PTPRB: variants seen among roughly 807,000 people sequenced by gnomAD.
The protein encoded by PTPRB is protein tyrosine phosphatase receptor type B.
In PTPRB, 97 loss-of-function variants were observed where a neutral mutation model predicts 238.1. The observed-to-expected ratio is 0.41, with a 90% CI of 0.35 to 0.48. PTPRB has a LOEUF of 0.48. PTPRB is among the 20% of genes least tolerant of loss of function. The pLI, the probability that PTPRB is intolerant of heterozygous loss-of-function variation, is 0.30. For missense variants in PTPRB, 2,292 were observed against 2,681.9 expected (o/e 0.85, Z 3.21); for synonymous variants, 970 against 995.4 (o/e 0.97, Z 0.48).
intron 10 of PTPRB, among the ~76,000 whole-genome samples, chr12:70,577,804 T>C (rs1183944261): frequency 1.3e-5 from 2 of 152,222 alleles, no homozygotes; most frequent in African/African-American, 2.4e-5. Context: ...TCTGGTAATG[T>C]TGATCCACAT....
In PTPRB at chr12:70,520,592, T is replaced by C. The variant is rs1871554300; in HGVS notation, c.*897A>G. Reference sequence around the variant, plus strand: ...TTCTAGGAATGGAGACCACTGAAAATGAGACAGAAACTAGTGTGTATAAAT... The same window carrying C: ...TTCTAGGAATGGAGACCACTGAAAACGAGACAGAAACTAGTGTGTATAAAT... On this transcript the variant is annotated 3_prime_UTR_variant, in exon 34 of 34. Transcript: ENST00000334414. The C allele has an allele frequency of 5.0e-6, 1 of 198,372 alleles. No individual in the cohort carries two copies. 12.3% of individuals were successfully genotyped at this position (198,372 alleles called of 1,614,324 possible). A position where few individuals can be genotyped will look rare whatever the true frequency, so the allele number is the denominator to read the frequency against.
intron 26 of PTPRB, chr12:70,539,398 A>G (rs368171959): frequency 1.8e-6 from 1 of 569,986 alleles, no homozygotes; most frequent in Non-Finnish European, 3.1e-6. Flanking sequence ...TATCTGATCC[A>G]GGTAGCCCTT....
intron 1 of PTPRB, among the ~76,000 whole-genome samples, chr12:70,637,043 C>T (rs187521136): frequency 1.6e-3 from 237 of 152,250 alleles, no homozygotes; most frequent in Non-Finnish European, 2.5e-3. Flanking sequence ...AAGCCACAGA[C>T]TGTTATATAA....
At chr12:70,636,092 A>G (rs751272992) in intron 1 of PTPRB, 26 bp from the exon 2 acceptor site, 1 of 1,552,844 alleles carries the variant, frequency 6.4e-7, no homozygotes, top group Non-Finnish European at 8.7e-7. Flanking sequence ...CTCATAAAGC[A>G]CTATGTAGCA....
intron 3 of PTPRB, among the ~76,000 whole-genome samples, chr12:70,621,570 C>T (rs1884935663): frequency 6.6e-6 from 1 of 152,116 alleles, no homozygotes; most frequent in Non-Finnish European, 1.5e-5. Flanking sequence ...GTTTTATGAT[C>T]AATAATGAAA....
In PTPRB at chr12:70,630,448, C is replaced by A. The variant is rs186971985; in HGVS notation, c.451+5223G>T. On this transcript the variant is annotated intron_variant, in intron 2 of 33. Transcript: ENST00000334414. ...ATAATAAGAGCTATTTATGATAAACCCACAGCCAATATCATACTGAATGGG... is the reference window on the plus strand; with the variant it reads ...ATAATAAGAGCTATTTATGATAAACACACAGCCAATATCATACTGAATGGG... Among the ~76,000 whole-genome samples, 15 of 152,202 alleles carry A rather than the reference C, an allele frequency of 9.9e-5. No homozygotes were observed. The East Asian group carries it at 2.9e-3, about 29-fold the overall frequency.
chr12:70,576,684 A>AGGGGGGGGGGGGGGGG (rs1313001377), intron 10 of PTPRB, 39 bp from the exon 11 acceptor site: 2 of 29,874 alleles, frequency 6.7e-5, no homozygotes, highest in African/African-American at 1.8e-4. Context: ...GGGGGGGGGA[A>AGGGGGGGGGGGGGGGG]GGGGGATTCA....
intron 19 of PTPRB, 44 bp downstream of exon 19, chr12:70,555,826 C>T: frequency 6.3e-7 from 1 of 1,599,496 alleles, no homozygotes; most frequent in East Asian, 2.2e-5. Context: ...AGCCCCTTCA[C>T]TCCAGTGACA....
intron 19 of PTPRB, 82 bp from the exon 20 acceptor site, chr12:70,555,391 A>G: frequency 3.0e-6 from 4 of 1,311,684 alleles, no homozygotes; most frequent in Non-Finnish European, 4.2e-6. Flanking sequence ...GAAATGAAGG[A>G]TTCTGCTCTC....
chr12:70,536,484 A>G (rs924989619), intron 28 of PTPRB, among the ~76,000 whole-genome samples: 1 of 151,890 alleles, frequency 6.6e-6, no homozygotes, highest in African/African-American at 2.4e-5. Context: ...AGGGACTGTA[A>G]TCAGGCTCTT....
At chr12:70,634,169 GT>G (rs1289041432) in intron 2 of PTPRB, among the ~76,000 whole-genome samples, 1 of 152,160 alleles carries the variant, frequency 6.6e-6, no homozygotes, top group Non-Finnish European at 1.5e-5. Flanking sequence ...ATGGCATCTA[GT>G]TAAATGCTTG....
In PTPRB at chr12:70,592,440, G is replaced by A. The variant is rs373124714; in HGVS notation, c.1622C>T (p.Thr541Ile). ...CTTGATGGTCCCTTTGTGAGACAGG[G>A]TGATATTGTAAGAATCCACATTTCC... ...PPGNVDSYNI[T>I]LSHKGTIKES... The change falls in exon 7 of 34, where the codon ACC becomes ATC. Residue 541 changes from threonine to isoleucine, a missense_variant. Transcript: ENST00000334414. 1.1e-5 allele frequency: 18 copies of A among 1,613,774 alleles called. No individual in the cohort carries two copies. In the African/African-American group the frequency reaches 2.1e-4, roughly 19 times the overall value.
chr12:70,525,002 T>TAA (rs1470101869), intron 32 of PTPRB, among the ~76,000 whole-genome samples: 3 of 151,558 alleles, frequency 2.0e-5, no homozygotes, highest in Admixed American at 6.6e-5. Context: ...TATATATATA[T>TAA]AAAATATTCT....
intron 7 of PTPRB, among the ~76,000 whole-genome samples, chr12:70,590,975 A>C (rs181496936): frequency 5.7e-5 from 7 of 123,768 alleles, no homozygotes; most frequent in East Asian, 4.6e-4. Flanking sequence ...ACAGGGTCAC[A>C]CTCTATTGCT....
chr12:70,559,169 CTTG>C (rs1175015020), intron 18 of PTPRB, 171 bp downstream of exon 18: 11 of 684,684 alleles, frequency 1.6e-5, no homozygotes, highest in East Asian at 1.0e-4. Flanking sequence ...TTTATTGTCC[CTTG>C]TTGTTAATGT....
intron 2 of PTPRB, among the ~76,000 whole-genome samples, chr12:70,631,037 C>G (rs545997101): frequency 6.6e-6 from 1 of 152,302 alleles, no homozygotes; most frequent in African/African-American, 2.4e-5. Context: ...CCATTCCCAT[C>G]AAGCTACCAA....
chr12:70,576,679 G>GGGGGGGGGGGGGGGT (rs1555230214), intron 10 of PTPRB, 34 bp from the exon 11 acceptor site: 1 of 221,762 alleles, frequency 4.5e-6, no homozygotes, highest in Non-Finnish European at 8.2e-6. Context: ...CGGGGGGGGG[G>GGGGGGGGGGGGGGGT]GGGAAGGGGG....
chr12:70,537,730 T>C (rs776528500), intron 28 of PTPRB, among the ~76,000 whole-genome samples: 68 of 152,176 alleles, frequency 4.5e-4, no homozygotes, highest in Non-Finnish European at 8.4e-4. Flanking sequence ...CAGTATGCCA[T>C]AGGAAGGTGG....
intron 4 of PTPRB, 71 bp from the exon 5 acceptor site, chr12:70,596,398 G>A: frequency 7.7e-7 from 1 of 1,291,960 alleles, no homozygotes; most frequent in Non-Finnish European, 9.8e-7. Flanking sequence ...AACATGGCTT[G>A]AAGACTTTTG....
Sources: allele counts gnomAD v4.1 joint callset (sites outside exome capture counted in the v4.1 genomes callset), GRCh38; gene constraint gnomAD v4.1.1; transcripts MANE v1.5; gene names NCBI Gene and HGNC (gene_info 2026-07-23, HGNC 2026-07-21).